Variants in IFT52 observed in about 807,000 individuals in gnomAD.
IFT52 encodes the protein intraflagellar transport protein 52 homolog.
A neutral mutation model predicts 54.4 loss-of-function variants in IFT52; 44 were observed. The ratio of observed to expected loss-of-function variants is 0.81; its 90% CI spans 0.63 to 1.04. IFT52 has a LOEUF of 1.04. Among genes scored for constraint, IFT52 ranks in the 50% least tolerant of loss-of-function variants. The probability of loss-of-function intolerance (pLI) is 0.00; values close to 1 mark genes in which losing one functional copy is unlikely to be tolerated. For synonymous variants in IFT52, 181 were observed against 185.3 expected, an observed-to-expected ratio of 0.98 and a Z score of 0.19; for missense variants, 452 against 523.6, an observed-to-expected ratio of 0.86 and a Z score of 1.33.
intron 3 of IFT52, among the ~76,000 whole-genome samples, chr20:43,599,851 G>A (rs1982286805): frequency 6.6e-6 from 1 of 152,094 alleles, no homozygotes; most frequent in Admixed American, 6.6e-5. Context: ...AGGTAACCAC[G>A]TGGCTGAGAC....
chr20:43,622,371 G>T (rs1372325958), intron 9 of IFT52, among the ~76,000 whole-genome samples: 1 of 152,074 alleles, frequency 6.6e-6, no homozygotes, highest in African/African-American at 2.4e-5. Flanking sequence ...GGCCGAGGCG[G>T]GCGGATCACG....
chr20:43,611,990 A>G (rs1418138612), intron 6 of IFT52, among the ~76,000 whole-genome samples: 1 of 152,042 alleles, frequency 6.6e-6, no homozygotes, highest in African/African-American at 2.4e-5. Flanking sequence ...AGATCACGCC[A>G]TTGCACTCCA....
chr20:43,594,778 C>G lies in IFT52; in HGVS notation c.80C>G (p.Ser27Cys). 6.2e-7 allele frequency: 1 copy of G among 1,611,954 alleles called. No homozygotes were observed. Among genetic ancestry groups the G allele is most frequent in the South Asian group, 1.1e-5 (1 of 91,010 alleles). The change falls in exon 2 of 14, where the codon TCC becomes TGC. Residue 27 changes from serine (S) to cysteine (C), a missense_variant. Ser to Cys is a moderately radical substitution (Grantham distance 112, BLOSUM62 -1). Coordinates refer to ENST00000373030, the MANE Select transcript of IFT52 (RefSeq NM_016004.5). ...EIFTTNNGYK[S>C]MQKKLRSNWK... ...TTTACCACCAACAATGGCTACAAATCCATGCAGAAAAAACTTCGGAGTAAT... is the reference window on the plus strand; with the variant it reads ...TTTACCACCAACAATGGCTACAAATGCATGCAGAAAAAACTTCGGAGTAAT...
chr20:43,635,807 G>T (rs1476276989), intron 10 of IFT52, 119 bp from the exon 11 acceptor site: 2 of 803,354 alleles, frequency 2.5e-6, no homozygotes, highest in Non-Finnish European at 4.1e-6. Context: ...GGGTCCAGTG[G>T]TATTTCTAAA....
At chr20:43,608,755 A>G (rs1039476214) in intron 6 of IFT52, among the ~76,000 whole-genome samples, 3 of 151,852 alleles carry the variant, frequency 2.0e-5, no homozygotes, top group African/African-American at 7.3e-5. Flanking sequence ...AAAATACAAA[A>G]ATTTAGCCGG....
intron 7 of IFT52, among the ~76,000 whole-genome samples, chr20:43,616,297 AG>A (rs930324543): frequency 6.6e-6 from 1 of 152,142 alleles, no homozygotes; most frequent in African/African-American, 2.4e-5. Context: ...ACTTGAGGTC[AG>A]GAGTTCGAGA....
intron 10 of IFT52, among the ~76,000 whole-genome samples, chr20:43,625,220 G>C (rs977321450): frequency 6.6e-6 from 1 of 152,004 alleles, no homozygotes; most frequent in Non-Finnish European, 1.5e-5. Flanking sequence ...ATTTTAAATA[G>C]GGTGTTCAGG....
chr20:43,596,658 A>T, intron 3 of IFT52, 136 bp downstream of exon 3: 2 of 553,938 alleles, frequency 3.6e-6, no homozygotes, highest in African/African-American at 2.0e-5. Flanking sequence ...TTCATCATGG[A>T]GTTGTGATGA....
intron 10 of IFT52, among the ~76,000 whole-genome samples, chr20:43,627,795 T>C (rs2145649895): frequency 6.6e-6 from 1 of 152,076 alleles, no homozygotes; most frequent in East Asian, 1.9e-4. Context: ...CTGGAACTCC[T>C]GGGCTCAAGC....
At chr20:43,617,539 A>G (rs1445962208) in intron 7 of IFT52, among the ~76,000 whole-genome samples, 1 of 150,498 alleles carries the variant, frequency 6.6e-6, no homozygotes, top group Non-Finnish European at 1.5e-5. Flanking sequence ...CGCTTCCCAG[A>G]TTCAAGTGAT....
rs1417416542 is a variant in IFT52 at position 43,594,743 on chromosome 20, A to G, written c.45A>G (p.Lys15=). The change falls in exon 2 of 14, where the codon AAA becomes AAG. Residue 15 remains lysine, a synonymous_variant. Transcript: ENST00000373030. The part of the protein sequence containing the change: ...LRSTILFNAY[K]KEIFTTNNGY... ...GCACCATTCTTTTCAATGCCTACAA[A>G]AAGGAGATATTTACCACCAACAATG... 6.2e-6 allele frequency: 10 copies of G among 1,613,438 alleles called. No individual in the cohort carries two copies. The highest frequency in any genetic ancestry group is 7.6e-6 in the Non-Finnish European group (9 of 1,179,470).
At chr20:43,624,995 C>T (rs1984609860) in intron 10 of IFT52, among the ~76,000 whole-genome samples, 1 of 152,126 alleles carries the variant, frequency 6.6e-6, no homozygotes, top group South Asian at 2.1e-4. Flanking sequence ...TACATCCACT[C>T]AGCAAGTATT....
At chr20:43,637,096 T>C in intron 11 of IFT52, 49 bp from the exon 12 acceptor site, 1 of 1,283,660 alleles carries the variant, frequency 7.8e-7, no homozygotes, top group East Asian at 2.3e-5. Flanking sequence ...CTTTATTTCC[T>C]TTACCTTATC....
intron 2 of IFT52, among the ~76,000 whole-genome samples, chr20:43,595,835 C>T (rs1465312237): frequency 6.6e-6 from 1 of 151,788 alleles, no homozygotes; most frequent in East Asian, 1.9e-4. Context: ...TGCAGTGAGC[C>T]GAGATCATGC....
At chr20:43,635,564 TAAG>T (rs1985473106) in intron 10 of IFT52, among the ~76,000 whole-genome samples, 1 of 152,196 alleles carries the variant, frequency 6.6e-6, no homozygotes, top group South Asian at 2.1e-4. Context: ...CCCAAAGTGC[TAAG>T]ATTATAGGGG....
chr20:43,638,970 T>C (rs1207519044), intron 12 of IFT52, among the ~76,000 whole-genome samples: 1 of 152,196 alleles, frequency 6.6e-6, no homozygotes, highest in Non-Finnish European at 1.5e-5. Context: ...CAGGCATTGC[T>C]GTGGGTCCTG....
intron 3 of IFT52, among the ~76,000 whole-genome samples, chr20:43,603,238 G>C (rs535712073): frequency 1.3e-5 from 2 of 152,234 alleles, no homozygotes; most frequent in East Asian, 3.9e-4. Flanking sequence ...CTATGGTTTG[G>C]TTGGTCAATG....
At chr20:43,630,661 C>T (rs1985094514) in intron 10 of IFT52, among the ~76,000 whole-genome samples, 1 of 152,162 alleles carries the variant, frequency 6.6e-6, no homozygotes. Context: ...AGTCCCTGCC[C>T]TTAGAGTTCA....
chr20:43,631,370 C>G (rs1229028578), intron 10 of IFT52, among the ~76,000 whole-genome samples: 2 of 151,816 alleles, frequency 1.3e-5, no homozygotes, highest in African/African-American at 4.8e-5. Context: ...AGGAAAGATT[C>G]TCCCCAAGCA....
Sources: allele counts gnomAD v4.1 joint callset (sites outside exome capture counted in the v4.1 genomes callset), GRCh38; gene constraint gnomAD v4.1.1; transcripts MANE v1.5; gene names NCBI Gene and HGNC (gene_info 2026-07-23, HGNC 2026-07-21).